Variants in SRD5A2 observed in about 807,000 individuals in gnomAD.
The protein encoded by SRD5A2 is 3-oxo-5-alpha-steroid 4-dehydrogenase 2.
In SRD5A2, 30 loss-of-function variants were observed where a neutral mutation model predicts 27.4. The observed-to-expected ratio is 1.10, with a 90% CI of 0.82 to 1.49. The LOEUF is 1.49. Among genes scored for constraint, SRD5A2 ranks in the 40% most tolerant of loss-of-function variants. The pLI, the probability that SRD5A2 is intolerant of heterozygous loss-of-function variation, is 0.00. For missense variants in SRD5A2, 348 were observed against 323.4 expected (o/e 1.08, Z -0.58); for synonymous variants, 141 against 133.6 (o/e 1.06, Z -0.38).
At chr2:31,632,803 A>C in the SRD5A2 span, among the ~76,000 whole-genome samples, 1 of 152,190 alleles carries the variant, frequency 6.6e-6, no homozygotes, top group South Asian at 2.1e-4. Context: ...GAGACATCCT[A>C]GGAAAAGCAG....
At chr2:31,528,619 T>C (rs776432172) in intron 4 of SRD5A2, among the ~76,000 whole-genome samples, 6 of 151,884 alleles carry the variant, frequency 4.0e-5, no homozygotes, top group Non-Finnish European at 8.8e-5. Flanking sequence ...ATGCAAAAAG[T>C]TAGCTGGGCA....
chr2:31,640,912 G>T, the SRD5A2 span, among the ~76,000 whole-genome samples: 3 of 152,100 alleles, frequency 2.0e-5, no homozygotes, highest in African/African-American at 7.2e-5. Context: ...AAAGATCACT[G>T]GTTACCTCAA....
intron 1 of SRD5A2, among the ~76,000 whole-genome samples, chr2:31,539,857 A>G (rs1469739633): frequency 6.6e-6 from 1 of 152,166 alleles, no homozygotes; most frequent in Admixed American, 6.6e-5. Context: ...ACCGCCACAC[A>G]AAAGTAACAA....
chr2:31,546,059 A>G (rs1033056279), intron 1 of SRD5A2, among the ~76,000 whole-genome samples: 3 of 152,210 alleles, frequency 2.0e-5, no homozygotes, highest in African/African-American at 7.2e-5. Context: ...AAGTTAAAGA[A>G]GAATATAAAA....
At chr2:31,652,907 C>T in the SRD5A2 span, among the ~76,000 whole-genome samples, 1 of 152,148 alleles carries the variant, frequency 6.6e-6, no homozygotes, top group Non-Finnish European at 1.5e-5. Context: ...TTCCCTGTTC[C>T]TCTCTGCCAA....
At chr2:31,660,057 G>T in the SRD5A2 span, among the ~76,000 whole-genome samples, 1 of 151,258 alleles carries the variant, frequency 6.6e-6, no homozygotes, top group South Asian at 2.1e-4. Flanking sequence ...ATACACTATA[G>T]ATTTCATCTA....
chr2:31,589,773 A>G, the SRD5A2 span, among the ~76,000 whole-genome samples: 2 of 152,238 alleles, frequency 1.3e-5, no homozygotes, highest in East Asian at 3.9e-4. Flanking sequence ...AAGTGCACAT[A>G]CAATTGCAGA....
At chr2:31,602,886 C>T in the SRD5A2 span, among the ~76,000 whole-genome samples, 87 of 152,084 alleles carry the variant, frequency 5.7e-4, no homozygotes, top group African/African-American at 2.1e-3. Flanking sequence ...ATACTGGACC[C>T]CTTCCTTACA....
intron 4 of SRD5A2, 22 bp from the exon 5 acceptor site, chr2:31,526,284 AT>A: frequency 6.7e-7 from 1 of 1,496,386 alleles, no homozygotes. Flanking sequence ...GAAAGGAATA[AT>A]TGTAAATATA....
chr2:31,604,265 T>C, the SRD5A2 span, among the ~76,000 whole-genome samples: 2 of 151,670 alleles, frequency 1.3e-5, no homozygotes, highest in Non-Finnish European at 1.5e-5. Context: ...AACATAGTAA[T>C]GGAATTTCTA....
chr2:31,642,767 G>A, the SRD5A2 span, among the ~76,000 whole-genome samples: 6,770 of 152,004 alleles, frequency 0.045, 274 homozygotes, highest in Admixed American at 0.12. Flanking sequence ...CAACCCAAAT[G>A]TCCACTAAGA....
chr2:31,577,399 T>C (rs1335492973), intron 1 of SRD5A2, among the ~76,000 whole-genome samples: 1 of 152,070 alleles, frequency 6.6e-6, no homozygotes, highest in Non-Finnish European at 1.5e-5. Flanking sequence ...GTACGGTTGT[T>C]GTAAGTAGAG....
chr2:31,563,417 A>C (rs1666666071), intron 1 of SRD5A2: 1 of 152,126 alleles, frequency 6.6e-6, no homozygotes. Flanking sequence ...ATAATTATTT[A>C]CAAAACACTG....
rs28383072 is a variant in SRD5A2, at chr2:31,528,657, T to C, written c.698+650A>G. Among the ~76,000 whole-genome samples the C allele has an allele frequency of 3.0e-3, 461 of 152,024 alleles. 1 individual carries two copies. The highest frequency in any genetic ancestry group is 6.5e-3 in the South Asian group (31 of 4,800). On this transcript the variant is annotated intron_variant, in intron 4 of 4. Coordinates refer to ENST00000622030, the MANE Select transcript of SRD5A2 (RefSeq NM_000348.4). The stretch of plus-strand genomic sequence containing the variant: ...GTGGTGGGCCTGTAGTCTCAGCCAT[T>C]TGGAAGGCTGAGGTGGGAGAATCAC...
In SRD5A2 at chr2:31,523,862, A is replaced by G. The variant is rs1442560887; in HGVS notation, c.*2334T>C. 4.6e-6 allele frequency: 1 copy of G among 219,266 alleles called. No homozygotes were observed. The highest frequency in any genetic ancestry group is 6.8e-5 in the East Asian group (1 of 14,802). 13.6% of individuals were successfully genotyped at this position (219,266 alleles called of 1,614,324 possible). ...ACAATGACAAACTGTCATTGAACACAACAGCCCTAGAACACTGAGAATACC... is the reference window on the plus strand; with the variant it reads ...ACAATGACAAACTGTCATTGAACACGACAGCCCTAGAACACTGAGAATACC... On this transcript the variant is annotated 3_prime_UTR_variant, in exon 5 of 5. Transcript: ENST00000622030.
the SRD5A2 span, among the ~76,000 whole-genome samples, chr2:31,638,133 TTTTA>T: frequency 6.6e-6 from 1 of 152,118 alleles, no homozygotes; most frequent in Admixed American, 6.6e-5. Flanking sequence ...GCATTTTCAT[TTTTA>T]TTTATTTCAA....
chr2:31,565,318 T>C (rs1341771738), intron 1 of SRD5A2, among the ~76,000 whole-genome samples: 1 of 151,880 alleles, frequency 6.6e-6, no homozygotes, highest in Non-Finnish European at 1.5e-5. Flanking sequence ...AATAGCAAGA[T>C]GATAGACATA....
At chr2:31,627,013 T>G in the SRD5A2 span, among the ~76,000 whole-genome samples, 8 of 152,198 alleles carry the variant, frequency 5.3e-5, no homozygotes, top group Non-Finnish European at 1.2e-4. Context: ...TGGTAGGCTA[T>G]TAATTGTTGC....
rs559060099 is a variant in SRD5A2 at position 31,524,024 on chromosome 2, G to A, written c.*2172C>T. 2 of 220,766 alleles carry A rather than the reference G, an allele frequency of 9.1e-6. No individual in the cohort carries two copies. Among genetic ancestry groups the A allele is most frequent in the African/African-American group, 2.2e-5 (1 of 44,760 alleles). 13.7% of individuals were successfully genotyped at this position (220,766 alleles called of 1,614,324 possible). On this transcript the variant is annotated 3_prime_UTR_variant, in exon 5 of 5. Coordinates refer to ENST00000622030, the MANE Select transcript of SRD5A2 (RefSeq NM_000348.4). ...CAGGACTGGGGTTGGACCTAATTAA[G>A]TCAAGGTTGGACTAAATACTATTTT...
Sources: gnomAD v4.1 joint callset for allele counts (sites outside exome capture counted in the v4.1 genomes callset) on GRCh38, gnomAD v4.1.1 for gene constraint, MANE v1.5 for transcripts, NCBI Gene and HGNC (gene_info 2026-07-23, HGNC 2026-07-21) for gene names.